CACNA2D3: variants seen among roughly 807,000 people sequenced by gnomAD.
The protein encoded by CACNA2D3 is calcium voltage-gated channel auxiliary subunit alpha2delta 3.
A neutral mutation model predicts 160.6 loss-of-function variants in CACNA2D3; 60 were observed. That is an observed-to-expected ratio of 0.37 (90% confidence interval 0.30 to 0.46). The LOEUF is 0.46. Among genes scored for constraint, CACNA2D3 ranks in the 20% least tolerant of loss-of-function variants. CACNA2D3 has a pLI of 1.00. For missense variants in CACNA2D3, 1,205 were observed against 1,365.0 expected (o/e 0.88, Z 1.85); for synonymous variants, 558 against 492.9 (o/e 1.13, Z -1.75).
chr3:54,137,054 T>A (rs1699826459), intron 2 of CACNA2D3, among the ~76,000 whole-genome samples: 1 of 152,200 alleles, frequency 6.6e-6, no homozygotes, highest in Admixed American at 6.5e-5. Context: ...ACATCTTCCC[T>A]CTGTGATTTT....
intron 12 of CACNA2D3, among the ~76,000 whole-genome samples, chr3:54,762,602 G>A (rs760100619): frequency 3.3e-5 from 5 of 152,128 alleles, no homozygotes; most frequent in Admixed American, 2.0e-4. Flanking sequence ...GTGAATGAAG[G>A]GCTCCCTCCA....
chr3:54,874,283 G>A (rs1262600833), intron 18 of CACNA2D3, among the ~76,000 whole-genome samples: 3 of 152,200 alleles, frequency 2.0e-5, no homozygotes, highest in Admixed American at 6.5e-5. Context: ...AGGCATCAGG[G>A]CAGGAATACA....
chr3:54,333,202 A>G (rs367681000), intron 3 of CACNA2D3, among the ~76,000 whole-genome samples: 1 of 151,846 alleles, frequency 6.6e-6, no homozygotes, highest in East Asian at 1.9e-4. Flanking sequence ...GTTTATTTCA[A>G]TGTCTTCCTC....
intron 2 of CACNA2D3, among the ~76,000 whole-genome samples, chr3:54,284,691 T>G (rs1328843615): frequency 2.0e-5 from 3 of 152,210 alleles, no homozygotes; most frequent in Non-Finnish European, 4.4e-5. Flanking sequence ...TCGGTACCAG[T>G]ACTTCTTAAT....
chr3:54,231,060 A>C (rs1253201315), intron 2 of CACNA2D3, among the ~76,000 whole-genome samples: 1 of 151,870 alleles, frequency 6.6e-6, no homozygotes, highest in Non-Finnish European at 1.5e-5. Flanking sequence ...TGTGGTTTAC[A>C]AAAAATATCC....
At chr3:54,864,798 G>A (rs1372340207) in intron 17 of CACNA2D3, among the ~76,000 whole-genome samples, 4 of 152,164 alleles carry the variant, frequency 2.6e-5, no homozygotes, top group African/African-American at 7.2e-5. Context: ...AGGCAGTGCC[G>A]AGGGCCGGTG....
At chr3:54,811,239 C>T (rs1703303393) in intron 13 of CACNA2D3, among the ~76,000 whole-genome samples, 1 of 152,170 alleles carries the variant, frequency 6.6e-6, no homozygotes, top group African/African-American at 2.4e-5. Flanking sequence ...TTTTCCTCAA[C>T]TGTGCTTCTC....
chr3:54,943,963 G>T (rs1178664906), intron 27 of CACNA2D3, among the ~76,000 whole-genome samples: 1 of 152,154 alleles, frequency 6.6e-6, no homozygotes, highest in East Asian at 1.9e-4. Context: ...CGACCTTGTA[G>T]CTCTGAAAAG....
intron 11 of CACNA2D3, among the ~76,000 whole-genome samples, chr3:54,648,009 C>T (rs2106858377): frequency 6.6e-6 from 1 of 152,310 alleles, no homozygotes; most frequent in Non-Finnish European, 1.5e-5. Flanking sequence ...AAGCTGCATT[C>T]ACTTTATGTA....
At chr3:54,736,514 CT>C (rs1373879741) in intron 11 of CACNA2D3, among the ~76,000 whole-genome samples, 1 of 152,134 alleles carries the variant, frequency 6.6e-6, no homozygotes, top group East Asian at 1.9e-4. Flanking sequence ...TTTCAGAAAA[CT>C]TATGCCAATT....
intron 11 of CACNA2D3, among the ~76,000 whole-genome samples, chr3:54,654,628 G>A (rs974330473): frequency 1.3e-5 from 2 of 152,090 alleles, no homozygotes; most frequent in Non-Finnish European, 2.9e-5. Flanking sequence ...GCTGGGACCC[G>A]GACCTCTGGC....
chr3:54,627,006 A>G (rs565679045), intron 9 of CACNA2D3, among the ~76,000 whole-genome samples: 2 of 152,282 alleles, frequency 1.3e-5, no homozygotes, highest in African/African-American at 4.8e-5. Context: ...CCTCACTCCC[A>G]TTCTCCTTAT....
intron 9 of CACNA2D3, among the ~76,000 whole-genome samples, chr3:54,618,374 T>TACACACACACACACAC: frequency 1.8e-5 from 1 of 54,584 alleles, no homozygotes; most frequent in African/African-American, 1.1e-4. Flanking sequence ...TATATATATA[T>TACACACACACACACAC]GCACACACAC....
At chr3:54,803,731 G>A (rs1016657307) in intron 13 of CACNA2D3, among the ~76,000 whole-genome samples, 1 of 152,102 alleles carries the variant, frequency 6.6e-6, no homozygotes, top group Non-Finnish European at 1.5e-5. Context: ...CTTGAGAAGA[G>A]CAACTCCAAG....
chr3:54,400,462 A>T (rs1240656257), intron 4 of CACNA2D3, among the ~76,000 whole-genome samples: 2 of 152,132 alleles, frequency 1.3e-5, no homozygotes, highest in Non-Finnish European at 2.9e-5. Context: ...GGGCTGTGTC[A>T]GACCTGACAT....
intron 4 of CACNA2D3, among the ~76,000 whole-genome samples, chr3:54,460,653 T>G (rs1463713086): frequency 6.6e-6 from 1 of 152,200 alleles, no homozygotes; most frequent in East Asian, 1.9e-4. Flanking sequence ...TGAAGTTGCT[T>G]ATCAGCTTAA....
At chr3:55,057,152 C>T (rs972750039) in intron 35 of CACNA2D3, among the ~76,000 whole-genome samples, 2 of 152,122 alleles carry the variant, frequency 1.3e-5, no homozygotes, top group Admixed American at 1.3e-4. Flanking sequence ...CTATGTAAGA[C>T]GTCCCTTTGC....
At chr3:54,739,096 A>G (rs1701588633) in intron 11 of CACNA2D3, among the ~76,000 whole-genome samples, 3 of 152,046 alleles carry the variant, frequency 2.0e-5, no homozygotes, top group Non-Finnish European at 2.9e-5. Context: ...ATGCCACTGC[A>G]TTCCAGCCTA....
At chr3:54,616,227 A>C (rs1698847236) in intron 9 of CACNA2D3, among the ~76,000 whole-genome samples, 1 of 152,090 alleles carries the variant, frequency 6.6e-6, no homozygotes, top group Non-Finnish European at 1.5e-5. Flanking sequence ...TGCATTCAGG[A>C]TGTAGGCTGG....
Sources: allele counts gnomAD v4.1 joint callset (sites outside exome capture counted in the v4.1 genomes callset), GRCh38; gene constraint gnomAD v4.1.1; transcripts MANE v1.5; gene names NCBI Gene and HGNC (gene_info 2026-07-23, HGNC 2026-07-21).